Variants in ABHD18 observed in about 807,000 individuals in gnomAD.
ABHD18 encodes abhydrolase domain containing 18, also known as cardiolipin-specific deacylase, mitochondrial.
A neutral mutation model predicts 65.9 loss-of-function variants in ABHD18; 55 were observed. The ratio of observed to expected loss-of-function variants is 0.84; its 90% CI spans 0.67 to 1.05. ABHD18 has a LOEUF of 1.05. Ranked by LOEUF, ABHD18 falls within the 50% of genes least tolerant of loss-of-function variation. The pLI is 0.00. For synonymous variants in ABHD18, 181 were observed against 180.2 expected (o/e 1.00, Z -0.04); for missense variants, 533 against 558.5 (o/e 0.95, Z 0.46).
intron 7 of ABHD18, among the ~76,000 whole-genome samples, chr4:128,015,736 C>T (rs1461173859): frequency 6.6e-6 from 1 of 151,938 alleles, no homozygotes; most frequent in Non-Finnish European, 1.5e-5. Context: ...TGGTTCTTTG[C>T]ACATATTATG....
chr4:127,998,224 CTCTT>C (rs889236056), intron 4 of ABHD18, among the ~76,000 whole-genome samples: 149 of 151,170 alleles, frequency 9.9e-4, no homozygotes, highest in African/African-American at 3.4e-3. Context: ...TTCTCTCTCT[CTCTT>C]TCTTTGACAT....
intron 4 of ABHD18, chr4:128,001,887 C>T: frequency 4.6e-6 from 5 of 1,082,374 alleles, no homozygotes; most frequent in East Asian, 3.1e-5. Context: ...TCAGAAGACC[C>T]TTTCAGTTTG....
At chr4:128,023,602 C>G (rs1756890027) in intron 10 of ABHD18, among the ~76,000 whole-genome samples, 3 of 150,262 alleles carry the variant, frequency 2.0e-5, no homozygotes, top group South Asian at 4.2e-4. Context: ...AAAAAAAAGG[C>G]TGGGCGCAAT....
intron 4 of ABHD18, among the ~76,000 whole-genome samples, chr4:127,996,290 C>T (rs973301177): frequency 6.6e-6 from 1 of 152,106 alleles, no homozygotes; most frequent in Non-Finnish European, 1.5e-5. Context: ...ATTCTATTTT[C>T]CCTAAGTGTC....
chr4:128,003,183 A>G (rs967568300), intron 4 of ABHD18, among the ~76,000 whole-genome samples: 1 of 151,732 alleles, frequency 6.6e-6, no homozygotes, highest in Non-Finnish European at 1.5e-5. Context: ...CCTGGCCAAT[A>G]TGGTGAAACC....
intron 4 of ABHD18, among the ~76,000 whole-genome samples, chr4:127,992,911 G>A (rs1438735365): frequency 3.3e-5 from 5 of 151,886 alleles, no homozygotes; most frequent in African/African-American, 9.7e-5. Context: ...CCTGAGCAAC[G>A]TAGAAAGACC....
chr4:128,004,293 A>G (rs1753217055), intron 4 of ABHD18, among the ~76,000 whole-genome samples: 1 of 151,610 alleles, frequency 6.6e-6, no homozygotes, highest in Admixed American at 6.6e-5. Flanking sequence ...CTGTACTAAA[A>G]ATACAAAACT....
chr4:127,977,860 ATTTAT>A (rs1207600311), intron 1 of ABHD18, among the ~76,000 whole-genome samples: 9 of 152,152 alleles, frequency 5.9e-5, no homozygotes, highest in Non-Finnish European at 2.9e-5. Context: ...ATACTAAATA[ATTTAT>A]TAGTAGCAGA....
chr4:128,011,984 CTT>C (rs747637430), intron 7 of ABHD18, among the ~76,000 whole-genome samples: 7 of 144,400 alleles, frequency 4.8e-5, no homozygotes, highest in Admixed American at 4.2e-4. Flanking sequence ...AAAACCCTTT[CTT>C]TTTTTTTTTT....
chr4:128,035,605 C>T (rs571024115), intron 12 of ABHD18, among the ~76,000 whole-genome samples, 157 bp from the exon 13 acceptor site: 47 of 152,196 alleles, frequency 3.1e-4, no homozygotes, highest in African/African-American at 9.6e-4. Context: ...GATTCAAACA[C>T]CCATTCTGGG....
chr4:128,012,299 A>G (rs1477944813), intron 7 of ABHD18, among the ~76,000 whole-genome samples: 13 of 152,092 alleles, frequency 8.5e-5, no homozygotes, highest in Admixed American at 8.5e-4. Context: ...TTTAAGGTAC[A>G]TTTACTTTGT....
intron 1 of ABHD18, among the ~76,000 whole-genome samples, chr4:127,981,135 AAT>A (rs1326238774): frequency 6.6e-6 from 1 of 152,200 alleles, no homozygotes. Flanking sequence ...TATTGGCTTA[AAT>A]ACTTACAGTC....
chr4:127,995,328 C>T (rs1386839353), intron 4 of ABHD18, among the ~76,000 whole-genome samples: 3 of 152,170 alleles, frequency 2.0e-5, no homozygotes, highest in Non-Finnish European at 4.4e-5. Context: ...TTCAGCATTA[C>T]TTCAGGCATT....
At position 128,014,241 on chromosome 4, in the gene ABHD18, C is replaced by A. The variant is rs559892070; in HGVS notation, c.470+2541C>A. Among the ~76,000 whole-genome samples, 345 of 152,244 alleles carry A rather than the reference C, an allele frequency of 2.3e-3. 2 individuals are homozygous for A. The highest frequency in any genetic ancestry group is 7.7e-3 in the African/African-American group (318 of 41,534). ...CAGGTGATCCTCCCGCCTCAGCCCCCCAAAGTGCTGGGATTACAGGCAGCA... is the reference window on the plus strand; with the variant it reads ...CAGGTGATCCTCCCGCCTCAGCCCCACAAAGTGCTGGGATTACAGGCAGCA... On this transcript the variant is annotated intron_variant, in intron 7 of 12. Transcript: ENST00000645843.
Position 128,020,133 on chromosome 4 carries a change from C to A in ABHD18, c.663C>A (p.Cys221Ter). ...NWPKPMPLIP[C>*]LSWSTASGVF... ...CTAAGCCCATGCCATTGATTCCATGCCTGTCTTGGTCCACAGCATCTGGGG... is the reference window on the plus strand; with the variant it reads ...CTAAGCCCATGCCATTGATTCCATGACTGTCTTGGTCCACAGCATCTGGGG... Residue 221 changes from cysteine to a stop codon, truncating the protein, a stop_gained, in exon 9 of 13, where the codon TGC becomes TGA. Transcript: ENST00000645843. LOFTEE classifies it high-confidence loss of function. 6.2e-7 allele frequency: 1 copy of A among 1,613,572 alleles called. No homozygotes were observed. The highest frequency in any genetic ancestry group is 8.5e-7 in the Non-Finnish European group (1 of 1,179,652).
chr4:128,026,017 G>A (rs1223748509), intron 10 of ABHD18, among the ~76,000 whole-genome samples: 1 of 152,136 alleles, frequency 6.6e-6, no homozygotes, highest in Non-Finnish European at 1.5e-5. Context: ...GGCCGGGCAT[G>A]GTGGCTCACG....
chr4:128,008,893 T>C (rs1416185147), intron 4 of ABHD18, 27 bp from the exon 5 acceptor site: 2 of 1,505,018 alleles, frequency 1.3e-6, no homozygotes, highest in East Asian at 2.3e-5. Context: ...GAGAATTTTA[T>C]TGATAAGTCT....
At chr4:128,032,613 G>A (rs140594875) in intron 12 of ABHD18, among the ~76,000 whole-genome samples, 2,111 of 152,202 alleles carry the variant, frequency 0.014, 44 homozygotes, top group African/African-American at 0.047. Context: ...TTGAACCTGG[G>A]AGGTGGAGGT....
chr4:127,970,486 G>A (rs1216595862), intron 1 of ABHD18, among the ~76,000 whole-genome samples: 1 of 151,400 alleles, frequency 6.6e-6, no homozygotes, highest in Non-Finnish European at 1.5e-5. Context: ...CAGCTACTCG[G>A]GAGGCTGAGG....
Sources: allele counts gnomAD v4.1 joint callset (sites outside exome capture counted in the v4.1 genomes callset), GRCh38; gene constraint gnomAD v4.1.1; transcripts MANE v1.5; gene names NCBI Gene and HGNC (gene_info 2026-07-23, HGNC 2026-07-21).